Variants in RAB8B observed in about 807,000 individuals in gnomAD.
RAB8B encodes the protein ras-related protein Rab-8B.
A neutral mutation model predicts 32.0 loss-of-function variants in RAB8B; 11 were observed. The observed-to-expected ratio is 0.34, with a 90% CI of 0.22 to 0.57. RAB8B has a LOEUF of 0.57. RAB8B is among the 20% of genes least tolerant of loss of function. The pLI, the probability that RAB8B is intolerant of heterozygous loss-of-function variation, is 0.86. For missense variants in RAB8B, 190 were observed against 258.5 expected, an observed-to-expected ratio of 0.73 and a Z score of 1.82; for synonymous variants, 103 against 89.6, an observed-to-expected ratio of 1.15 and a Z score of -0.85.
At chr15:63,240,489 T>G (rs2038023271) in intron 1 of RAB8B, among the ~76,000 whole-genome samples, 1 of 152,164 alleles carries the variant, frequency 6.6e-6, no homozygotes, top group Non-Finnish European at 1.5e-5. Flanking sequence ...TTAGTGACAG[T>G]TCAGTCATTA....
chr15:63,223,236 C>G (rs951878044), intron 1 of RAB8B, among the ~76,000 whole-genome samples: 13 of 152,070 alleles, frequency 8.5e-5, no homozygotes, highest in Non-Finnish European at 1.3e-4. Flanking sequence ...CTCAGCCTCC[C>G]AAGTAGCTGG....
chr15:63,256,441 T>A (rs2038159296), intron 4 of RAB8B, 64 bp from the exon 5 acceptor site: 1 of 1,168,482 alleles, frequency 8.6e-7, no homozygotes, highest in East Asian at 2.5e-5. Flanking sequence ...ACAGGTTGGA[T>A]TTGTCTATTA....
chr15:63,249,238 A>G (rs1478525669), intron 2 of RAB8B, among the ~76,000 whole-genome samples: 3 of 152,178 alleles, frequency 2.0e-5, no homozygotes, highest in Non-Finnish European at 2.9e-5. Context: ...GAAATCAGAC[A>G]TTCAGGCAAG....
chr15:63,233,462 ATT>A (rs1365718623), intron 1 of RAB8B, among the ~76,000 whole-genome samples: 1 of 152,124 alleles, frequency 6.6e-6, no homozygotes, highest in African/African-American at 2.4e-5. Context: ...TTTATGACTC[ATT>A]TTTTATTTCA....
At chr15:63,236,343 T>G (rs1056329257) in intron 1 of RAB8B, among the ~76,000 whole-genome samples, 2 of 152,164 alleles carry the variant, frequency 1.3e-5, no homozygotes, top group Admixed American at 1.3e-4. Context: ...TAGATAAATA[T>G]TAATAAGGAA....
chr15:63,215,022 C>G (rs2037780655), intron 1 of RAB8B, among the ~76,000 whole-genome samples: 2 of 152,102 alleles, frequency 1.3e-5, no homozygotes, highest in South Asian at 4.1e-4. Context: ...CTTTCCTATC[C>G]CAGACACAAG....
intron 1 of RAB8B, among the ~76,000 whole-genome samples, chr15:63,197,370 CTTTTTTTTTTT>C (rs58765418): frequency 1.6e-5 from 1 of 61,412 alleles, no homozygotes; most frequent in Non-Finnish European, 2.9e-5. Context: ...TCTTTCTTTT[CTTTTTTTTTTT>C]TTTTTTTTTT....
chr15:63,222,948 G>A (rs753251227), intron 1 of RAB8B: 1 of 398,716 alleles, frequency 2.5e-6, no homozygotes, highest in Non-Finnish European at 4.9e-6. Context: ...TTTTGGTGTA[G>A]CTTAGGTGTA....
intron 3 of RAB8B, among the ~76,000 whole-genome samples, chr15:63,254,629 T>G (rs2038145075): frequency 2.6e-5 from 4 of 152,046 alleles, no homozygotes; most frequent in Admixed American, 1.3e-4. Flanking sequence ...ATACCAGACA[T>G]GGGCTGGGCG....
intron 1 of RAB8B, among the ~76,000 whole-genome samples, chr15:63,217,993 GA>G (rs1258505653): frequency 6.6e-6 from 1 of 152,164 alleles, no homozygotes; most frequent in Admixed American, 6.5e-5. Flanking sequence ...GCCATTTTCT[GA>G]AATAATGTCT....
At chr15:63,230,395 G>A (rs756682880) in intron 1 of RAB8B, among the ~76,000 whole-genome samples, 11 of 151,904 alleles carry the variant, frequency 7.2e-5, no homozygotes, top group Non-Finnish European at 1.0e-4. Context: ...TCCGCCTCCC[G>A]GGTTCGAGGA....
chr15:63,216,570 T>C (rs1170674021), intron 1 of RAB8B, among the ~76,000 whole-genome samples: 2 of 151,428 alleles, frequency 1.3e-5, no homozygotes, highest in African/African-American at 4.8e-5. Context: ...GATTTAAAAG[T>C]TCTGACTTGT....
intron 1 of RAB8B, among the ~76,000 whole-genome samples, chr15:63,211,232 A>G (rs1211682313): frequency 6.6e-6 from 1 of 152,254 alleles, no homozygotes; most frequent in Non-Finnish European, 1.5e-5. Flanking sequence ...GAGAACAAAT[A>G]GTAGAATATC....
intron 1 of RAB8B, among the ~76,000 whole-genome samples, chr15:63,238,142 T>G (rs940680315): frequency 3.3e-5 from 5 of 152,086 alleles, no homozygotes; most frequent in African/African-American, 1.2e-4. Flanking sequence ...CATAGCTCTG[T>G]AGTATAATTT....
At chr15:63,231,983 A>G (rs2037940282) in intron 1 of RAB8B, among the ~76,000 whole-genome samples, 1 of 152,238 alleles carries the variant, frequency 6.6e-6, no homozygotes, top group African/African-American at 2.4e-5. Flanking sequence ...GAGACTTGTC[A>G]TGAAGTCTTT....
chr15:63,215,518 A>G (rs781151141), intron 1 of RAB8B, among the ~76,000 whole-genome samples: 4 of 152,196 alleles, frequency 2.6e-5, no homozygotes, highest in Non-Finnish European at 4.4e-5. Context: ...GAGAATCCCT[A>G]TGATAGACTT....
chr15:63,206,883 T>C (rs1039970463), intron 1 of RAB8B, among the ~76,000 whole-genome samples: 129 of 152,276 alleles, frequency 8.5e-4, no homozygotes, highest in African/African-American at 3.0e-3. Flanking sequence ...CAGGTCATCA[T>C]GACCTCCTTG....
At chr15:63,208,785 G>A (rs1416574965) in intron 1 of RAB8B, among the ~76,000 whole-genome samples, 1 of 151,772 alleles carries the variant, frequency 6.6e-6, no homozygotes, top group Non-Finnish European at 1.5e-5. Context: ...TTTCCTCAGT[G>A]GGACTTTGTA....
At chr15:63,258,103 T>G (rs563290489) in intron 5 of RAB8B, among the ~76,000 whole-genome samples, 20 of 151,344 alleles carry the variant, frequency 1.3e-4, no homozygotes, top group East Asian at 3.9e-4. Flanking sequence ...AAGTATAGTT[T>G]TTTTTTTTTT....
Sources: gnomAD v4.1 joint callset for allele counts (sites outside exome capture counted in the v4.1 genomes callset) on GRCh38, gnomAD v4.1.1 for gene constraint, MANE v1.5 for transcripts, NCBI Gene and HGNC (gene_info 2026-07-23, HGNC 2026-07-21) for gene names.